The following CTNNA2 variants were observed in gnomAD, a reference collection of about 807,000 sequenced individuals.
CTNNA2 encodes the protein catenin alpha-2.
CTNNA2 carries 42 observed loss-of-function variants against 101.0 expected under a neutral mutation model. The observed-to-expected ratio is 0.42, with a 90% CI of 0.32 to 0.54. The LOEUF is 0.54. Among genes scored for constraint, CTNNA2 ranks in the 20% least tolerant of loss-of-function variants. CTNNA2 has a pLI of 0.14. For synonymous variants in CTNNA2, 450 were observed against 456.4 expected (o/e 0.99, Z 0.18); for missense variants, 871 against 1,223.1 (o/e 0.71, Z 4.29).
chr2:80,219,586 T>C (rs2197301), intron 7 of CTNNA2, among the ~76,000 whole-genome samples: 4,459 of 152,274 alleles, frequency 0.029, 232 homozygotes, highest in African/African-American at 0.1. Flanking sequence ...AATCGACCCA[T>C]TCACCTATCT....
intron 2 of CTNNA2, among the ~76,000 whole-genome samples, chr2:79,245,922 C>G (rs1674694355): frequency 6.6e-6 from 1 of 152,188 alleles, no homozygotes; most frequent in Non-Finnish European, 1.5e-5. Context: ...GGGAAAGCCT[C>G]AAGGCATTTT....
chr2:80,503,277 T>G (rs1688019800), intron 9 of CTNNA2, among the ~76,000 whole-genome samples: 1 of 152,186 alleles, frequency 6.6e-6, no homozygotes, highest in African/African-American at 2.4e-5. Context: ...GGAGGGAGCT[T>G]TAGAGATCAT....
intron 3 of CTNNA2, among the ~76,000 whole-genome samples, chr2:79,745,233 C>G (rs980671598): frequency 6.6e-6 from 1 of 152,056 alleles, no homozygotes; most frequent in Admixed American, 6.6e-5. Context: ...GAGTTCAAGA[C>G]CAGCCTGGGC....
chr2:80,417,203 T>G (rs551406673), intron 8 of CTNNA2, among the ~76,000 whole-genome samples: 2 of 151,782 alleles, frequency 1.3e-5, no homozygotes, highest in African/African-American at 4.8e-5. Flanking sequence ...TTAATATATG[T>G]ATATATTATG....
chr2:79,493,076 T>C (rs983792062), intron 4 of CTNNA2, among the ~76,000 whole-genome samples: 2 of 152,126 alleles, frequency 1.3e-5, no homozygotes, highest in Non-Finnish European at 2.9e-5. Flanking sequence ...ACAAGGGGCA[T>C]AGACAAAAAC....
Position 79,689,728 on chromosome 2 carries a change from A to G in CTNNA2, c.102+38070A>G, listed in dbSNP as rs917156274. On this transcript the variant is annotated intron_variant, in intron 2 of 18. Coordinates refer to ENST00000402739, the MANE Select transcript of CTNNA2 (RefSeq NM_001282597.3). ...TGTAATTATGCATTAATGTAATACT[A>G]TAGAAATTAAATGACAAGATGGAGA... is the stretch of plus-strand genomic sequence containing the variant. 3.3e-5 allele frequency among the ~76,000 whole-genome samples: 5 copies of G among 152,046 alleles called. 1 individual carries two copies. In the East Asian group the frequency reaches 7.7e-4, roughly 23 times the overall value.
At position 80,378,123 on chromosome 2, in the gene CTNNA2, G is replaced by A. The variant is rs575892509; in HGVS notation, c.1057-15088G>A. Among the ~76,000 whole-genome samples, 6 of 152,134 alleles carry A rather than the reference G, an allele frequency of 3.9e-5. No homozygotes were observed. In the South Asian group the frequency reaches 6.2e-4, roughly 16 times the overall value. On this transcript the variant is annotated intron_variant, in intron 7 of 18. Transcript: ENST00000402739. ...TGTAATCCCAGCACTTTGGTAGGCC[G>A]AGGTGGGCGAATCACGAGGTCAGGA... is the stretch of plus-strand genomic sequence containing the variant.
chr2:79,381,649 T>C (rs991578516), intron 4 of CTNNA2, among the ~76,000 whole-genome samples: 5 of 152,214 alleles, frequency 3.3e-5, no homozygotes, highest in East Asian at 3.9e-4. Flanking sequence ...CATACCTCAA[T>C]TGAGGAACTG....
At chr2:79,444,507 T>C (rs1276648745) in intron 4 of CTNNA2, among the ~76,000 whole-genome samples, 1 of 152,120 alleles carries the variant, frequency 6.6e-6, no homozygotes, top group Non-Finnish European at 1.5e-5. Context: ...TCCCCTTGGA[T>C]AATCACTCTA....
At chr2:79,810,208 A>T (rs896447976) in intron 3 of CTNNA2, among the ~76,000 whole-genome samples, 1 of 152,180 alleles carries the variant, frequency 6.6e-6, no homozygotes, top group Admixed American at 6.6e-5. Flanking sequence ...TTAAAAAAAG[A>T]AAAAGAGGTT....
At chr2:80,431,805 C>T (rs187782606) in intron 9 of CTNNA2, among the ~76,000 whole-genome samples, 2 of 152,234 alleles carry the variant, frequency 1.3e-5, no homozygotes, top group East Asian at 3.9e-4. Context: ...TAGGTCTGTG[C>T]CTGTCACATA....
At chr2:79,812,908 A>G (rs1005346539) in intron 3 of CTNNA2, among the ~76,000 whole-genome samples, 4 of 152,150 alleles carry the variant, frequency 2.6e-5, no homozygotes, top group African/African-American at 9.7e-5. Flanking sequence ...GAGAAAGCTC[A>G]GCCTCCACAC....
chr2:79,956,853 T>G (rs1042486391), intron 7 of CTNNA2, among the ~76,000 whole-genome samples: 1 of 146,754 alleles, frequency 6.8e-6, no homozygotes, highest in Non-Finnish European at 1.5e-5. Context: ...GTTTTTTTTT[T>G]TTTTTTTTTT....
chr2:79,869,463 C>G (rs1421096321), intron 4 of CTNNA2, among the ~76,000 whole-genome samples: 3 of 152,130 alleles, frequency 2.0e-5, no homozygotes, highest in African/African-American at 7.2e-5. Flanking sequence ...CTGAAGGCTT[C>G]TAGAATTTTT....
chr2:80,224,659 T>A lies in CTNNA2; in HGVS notation c.1057-168552T>A, dbSNP rs564548312. Among the ~76,000 whole-genome samples the A allele has an allele frequency of 3.1e-4, 47 of 152,102 alleles. No individual in the cohort carries two copies. The East Asian group carries it at 9.0e-3, about 29-fold the overall frequency. ...CAGGGTTTCACCATGTTAGCCAGGA[T>A]GGTCTCAATCTCCTGATCTCGTGAT... On this transcript the variant is annotated intron_variant, in intron 7 of 18. Transcript: ENST00000402739.
At chr2:80,073,811 C>G (rs1698510837) in intron 7 of CTNNA2, among the ~76,000 whole-genome samples, 1 of 151,158 alleles carries the variant, frequency 6.6e-6, no homozygotes, top group East Asian at 2.0e-4. Flanking sequence ...TGTTTTATAA[C>G]ATTTGCAATA....
intron 7 of CTNNA2, among the ~76,000 whole-genome samples, chr2:80,389,149 A>C (rs1285318090): frequency 6.6e-6 from 1 of 152,178 alleles, no homozygotes; most frequent in African/African-American, 2.4e-5. Context: ...GTAGTTTCTA[A>C]ATCAATTCTT....
intron 5 of CTNNA2, among the ~76,000 whole-genome samples, chr2:79,506,829 C>T (rs1013671328): frequency 6.6e-6 from 1 of 152,126 alleles, no homozygotes; most frequent in African/African-American, 2.4e-5. Context: ...GATTGCCAGG[C>T]ACATGGTGGT....
At chr2:80,641,704 C>A (rs144209307) in intron 18 of CTNNA2, among the ~76,000 whole-genome samples, 1 of 152,100 alleles carries the variant, frequency 6.6e-6, no homozygotes, top group African/African-American at 2.4e-5. Flanking sequence ...CTATTCCCTA[C>A]TTAACCAAGG....
Sources: gnomAD v4.1 joint callset for allele counts (sites outside exome capture counted in the v4.1 genomes callset) on GRCh38, gnomAD v4.1.1 for gene constraint, MANE v1.5 for transcripts, NCBI Gene and HGNC (gene_info 2026-07-23, HGNC 2026-07-21) for gene names.